DPP6: variants seen among roughly 807,000 people sequenced by gnomAD.
DPP6 encodes the protein A-type potassium channel modulatory protein DPP6.
In DPP6, 69 loss-of-function variants were observed where a neutral mutation model predicts 122.6. The ratio of observed to expected loss-of-function variants is 0.56; its 90% CI spans 0.46 to 0.69. The LOEUF is 0.69. DPP6 is among the 30% of genes least tolerant of loss of function. The pLI is 0.00. For synonymous variants in DPP6, 418 were observed against 433.1 expected, an observed-to-expected ratio of 0.97 and a Z score of 0.43; for missense variants, 928 against 1,116.9, an observed-to-expected ratio of 0.83 and a Z score of 2.41.
the DPP6 span, among the ~76,000 whole-genome samples, chr7:153,867,056 TGTA>T: frequency 6.6e-6 from 1 of 152,216 alleles, no homozygotes; most frequent in Non-Finnish European, 1.5e-5. Context: ...ACTGTAGCCT[TGTA>T]GTATAGTTTG....
chr7:154,475,842 C>A (rs1420153867), intron 3 of DPP6: 1 of 152,282 alleles, frequency 6.6e-6, no homozygotes, highest in African/African-American at 2.4e-5. Flanking sequence ...GGCCAGAGAA[C>A]TTTATAGTGA....
intron 1 of DPP6, among the ~76,000 whole-genome samples, chr7:154,323,489 C>G (rs1358299430): frequency 3.3e-5 from 5 of 152,178 alleles, no homozygotes; most frequent in Admixed American, 2.0e-4. Flanking sequence ...TCGTCAAGCT[C>G]TCCACAAAAG....
chr7:154,554,554 A>G (rs1374497006), intron 4 of DPP6, among the ~76,000 whole-genome samples: 1 of 149,578 alleles, frequency 6.7e-6, no homozygotes, highest in African/African-American at 2.6e-5. Context: ...CTACAGGAAA[A>G]ACAAACCAAT....
intron 1 of DPP6, among the ~76,000 whole-genome samples, chr7:153,957,406 T>C (rs1319824736): frequency 6.6e-6 from 1 of 152,184 alleles, no homozygotes; most frequent in South Asian, 2.1e-4. Flanking sequence ...GGCTTGGGGA[T>C]GGTGAAATGA....
At chr7:154,440,882 G>A (rs571803625) in intron 1 of DPP6, among the ~76,000 whole-genome samples, 1 of 152,284 alleles carries the variant, frequency 6.6e-6, no homozygotes, top group South Asian at 2.1e-4. Context: ...GGTCCCTGCT[G>A]TGCTGCCCCC....
intron 1 of DPP6, among the ~76,000 whole-genome samples, chr7:153,897,548 T>A (rs546222860): frequency 2.6e-5 from 4 of 152,228 alleles, no homozygotes; most frequent in African/African-American, 9.7e-5. Flanking sequence ...TACAAAAATT[T>A]TCTTATCCCT....
chr7:154,354,826 A>G (rs6971204), intron 1 of DPP6, among the ~76,000 whole-genome samples: 4,363 of 152,048 alleles, frequency 0.029, 199 homozygotes, highest in African/African-American at 0.1. Flanking sequence ...ATCATTATGC[A>G]CAATGCTGCG....
intron 10 of DPP6, among the ~76,000 whole-genome samples, chr7:154,773,328 C>A (rs1434247818): frequency 1.3e-5 from 2 of 152,156 alleles, no homozygotes; most frequent in African/African-American, 2.4e-5. Flanking sequence ...GAGCATGGAG[C>A]AATTTGCCAG....
At chr7:154,028,888 C>T (rs1394222203) in intron 1 of DPP6, among the ~76,000 whole-genome samples, 1 of 152,012 alleles carries the variant, frequency 6.6e-6, no homozygotes, top group Admixed American at 6.5e-5. Flanking sequence ...GTTTGGCAGA[C>T]CTGAAATGCC....
chr7:154,628,175 A>G (rs1186563297), intron 5 of DPP6, among the ~76,000 whole-genome samples: 5 of 152,186 alleles, frequency 3.3e-5, no homozygotes, highest in African/African-American at 4.8e-5. Flanking sequence ...CCATCCTTCT[A>G]TTAACAGGGG....
chr7:154,331,440 G>T (rs1808931333), intron 1 of DPP6, among the ~76,000 whole-genome samples: 1 of 152,168 alleles, frequency 6.6e-6, no homozygotes, highest in Non-Finnish European at 1.5e-5. Context: ...GTGTAGACAG[G>T]AAGAAAGAAC....
At position 154,463,205 on chromosome 7, in the gene DPP6, T is replaced by C. The variant is rs867700699; in HGVS notation, c.359-11734T>C. 5.0e-3 allele frequency among the ~76,000 whole-genome samples: 446 copies of C among 89,672 alleles called. 3 individuals are homozygous for C. The highest frequency in any genetic ancestry group is 0.026 in the Middle Eastern group (5 of 196). 58.8% of individuals were successfully genotyped at this position (89,672 alleles called of 152,430 possible). A position where few individuals can be genotyped will look rare whatever the true frequency, so the allele number is the denominator to read the frequency against. On this transcript the variant is annotated intron_variant, in intron 2 of 25. Coordinates refer to ENST00000377770, the MANE Select transcript of DPP6 (RefSeq NM_130797.4). ...TTTACTTCTCCTTTTCTTTTTTTTT[T>C]TTTTTTTTTTTTTTTTTTTTGAGAC...
chr7:154,277,160 T>G (rs1049766564), intron 1 of DPP6, among the ~76,000 whole-genome samples: 6 of 152,074 alleles, frequency 3.9e-5, no homozygotes, highest in Non-Finnish European at 5.9e-5. Context: ...GGCAACTCAC[T>G]TTTTTTTCCA....
intron 3 of DPP6, among the ~76,000 whole-genome samples, chr7:154,477,956 G>A (rs1822898219): frequency 6.6e-6 from 1 of 151,832 alleles, no homozygotes; most frequent in South Asian, 2.1e-4. Context: ...GGAGTGTTTT[G>A]GAACCTAATA....
rs541347940 is a variant in DPP6 at position 154,878,814 on chromosome 7, T to C, written c.2079-2074T>C. On this transcript the variant is annotated intron_variant, in intron 20 of 25. Transcript: ENST00000377770. ...GCTCAACTTGGGATTTTCTTCACGA[T>C]TGTTTCTTTTGGGTCCTACGTGCTC... 7.9e-5 allele frequency among the ~76,000 whole-genome samples: 12 copies of C among 152,312 alleles called. No homozygotes were observed. The East Asian group carries it at 1.2e-3, about 15-fold the overall frequency.
chr7:154,683,333 A>G (rs1228285392), intron 7 of DPP6, among the ~76,000 whole-genome samples: 1 of 152,094 alleles, frequency 6.6e-6, no homozygotes, highest in Non-Finnish European at 1.5e-5. Flanking sequence ...TAAACTCACT[A>G]TTGTTTCTGC....
chr7:153,854,248 G>A, the DPP6 span, among the ~76,000 whole-genome samples: 1 of 151,880 alleles, frequency 6.6e-6, no homozygotes, highest in African/African-American at 2.4e-5. Context: ...GGTTACTGTA[G>A]CCTTGTAGTA....
At chr7:154,135,242 T>C (rs1346123036) in intron 1 of DPP6, among the ~76,000 whole-genome samples, 2 of 151,992 alleles carry the variant, frequency 1.3e-5, no homozygotes, top group Non-Finnish European at 2.9e-5. Flanking sequence ...CCATAGATCC[T>C]ATGTGTATAC....
At chr7:153,976,159 G>A (rs1374097162) in intron 1 of DPP6, among the ~76,000 whole-genome samples, 1 of 152,062 alleles carries the variant, frequency 6.6e-6, no homozygotes. Context: ...GAAGGAGAGG[G>A]TGTACTGCAA....
Sources: allele counts gnomAD v4.1 joint callset (sites outside exome capture counted in the v4.1 genomes callset), GRCh38; gene constraint gnomAD v4.1.1; transcripts MANE v1.5; gene names NCBI Gene and HGNC (gene_info 2026-07-23, HGNC 2026-07-21).